Variants in BPNT2 observed in about 807,000 individuals in gnomAD.
BPNT2 encodes Golgi-resident adenosine 3',5'-bisphosphate 3'-phosphatase.
A neutral mutation model predicts 29.3 loss-of-function variants in BPNT2; 11 were observed. That is an observed-to-expected ratio of 0.38 (90% CI 0.24 to 0.62). BPNT2 has a LOEUF of 0.62. Among genes scored for constraint, BPNT2 ranks in the 20% least tolerant of loss-of-function variants. BPNT2 has a pLI of 0.62. For synonymous variants in BPNT2, 195 were observed against 187.7 expected, an observed-to-expected ratio of 1.04 and a Z score of -0.32; for missense variants, 459 against 473.4, an observed-to-expected ratio of 0.97 and a Z score of 0.28.
intron 1 of BPNT2, among the ~76,000 whole-genome samples, chr8:56,985,556 G>A (rs1486759078): frequency 4.6e-5 from 7 of 152,160 alleles, no homozygotes; most frequent in Non-Finnish European, 2.9e-5. Context: ...TTTTAGAAGG[G>A]TAAGCATAAA....
At position 56,968,399 on chromosome 8, in the gene BPNT2, A is replaced by C. The variant is rs75206109; in HGVS notation, c.647-2047T>G. ...GAGAAAGTGATAGATTAAAAAAAAA[A>C]AAAACAAAAAAGAGTCAACATACAT... On this transcript the variant is annotated intron_variant, in intron 3 of 4. Coordinates refer to ENST00000262644, the MANE Select transcript of BPNT2 (RefSeq NM_017813.5). Among the ~76,000 whole-genome samples the C allele has an allele frequency of 4.6e-5, 7 of 152,092 alleles. No homozygotes were observed. In the East Asian group the frequency reaches 1.2e-3, roughly 25 times the overall value.
rs755239746 is a variant in BPNT2, at chr8:56,980,092, G to C, written c.493C>G (p.Pro165Ala). The change falls in exon 2 of 5, where the codon CCA becomes GCA. Residue 165 changes from proline (P) to alanine (A), a missense_variant. Transcript: ENST00000262644. ...LKEVTTPKEV[P>A]AESVTVWIDP... ...ATCCAGACAGTAACACTTTCTGCTG[G>C]TACCTCTTTAGGAGTAGTTACTTCC... 3.5e-5 allele frequency: 56 copies of C among 1,613,522 alleles called. No homozygotes were observed. Among genetic ancestry groups the C allele is most frequent in the Non-Finnish European group, 4.7e-5 (55 of 1,179,710 alleles).
chr8:56,969,818 T>A (rs1189017075), intron 3 of BPNT2, among the ~76,000 whole-genome samples: 3 of 152,182 alleles, frequency 2.0e-5, no homozygotes, highest in Non-Finnish European at 2.9e-5. Context: ...TAAAATTCAT[T>A]AAGATCATAA....
intron 1 of BPNT2, among the ~76,000 whole-genome samples, chr8:56,983,579 T>C (rs1269110261): frequency 6.6e-6 from 1 of 151,976 alleles, no homozygotes; most frequent in Non-Finnish European, 1.5e-5. Context: ...GTGCAGAGGG[T>C]CCTAGTCATT....
chr8:56,964,331 C>T (rs1485668354), intron 4 of BPNT2: 1 of 298,484 alleles, frequency 3.4e-6, no homozygotes, highest in Admixed American at 4.9e-5. Context: ...CAGAGTCTCG[C>T]TCTGTCACTC....
chr8:56,993,288 C>T lies in BPNT2; in HGVS notation c.298G>A (p.Glu100Lys). 6.2e-7 allele frequency: 1 copy of T among 1,611,922 alleles called. No homozygotes were observed. Among genetic ancestry groups the T allele is most frequent in the Admixed American group, 1.7e-5 (1 of 60,010 alleles). The change falls in exon 1 of 5, where the codon GAG becomes AAG. Residue 100 changes from glutamate to lysine, a missense_variant. Transcript: ENST00000262644. ...CTGGTCATCTTGTCCTCGGCTCCCT[C>T]GCGCGTCTTCCCCTTGGACTTCTCG... ...LHEKSKGKTR[E>K]GAEDKMTSGD...
At position 56,958,809 on chromosome 8, in the gene BPNT2, T is replaced by A. The variant is rs1175532816; in HGVS notation, c.*4984A>T. Reference sequence around the variant, plus strand: ...CTTCTGTGGGACTGAAACAGCTAGCTTTGGCTACTGCCGGTAGTGGACAAT... The same window carrying A: ...CTTCTGTGGGACTGAAACAGCTAGCATTGGCTACTGCCGGTAGTGGACAAT... On this transcript the variant is annotated 3_prime_UTR_variant, in exon 5 of 5. Coordinates refer to ENST00000262644, the MANE Select transcript of BPNT2 (RefSeq NM_017813.5). 1 of 152,202 alleles carries A rather than the reference T, an allele frequency of 6.6e-6. No individual in the cohort carries two copies. Among genetic ancestry groups the A allele is most frequent in the African/African-American group, 2.4e-5 (1 of 41,454 alleles). 9.4% of individuals were successfully genotyped at this position (152,202 alleles called of 1,614,324 possible).
chr8:56,974,477 G>C (rs1401236497), intron 3 of BPNT2, among the ~76,000 whole-genome samples: 1 of 152,144 alleles, frequency 6.6e-6, no homozygotes, highest in African/African-American at 2.4e-5. Context: ...CCACTATAGT[G>C]AAGTGTAGCT....
At chr8:56,966,088 TC>T in intron 4 of BPNT2, 102 bp downstream of exon 4, 2 of 1,261,268 alleles carry the variant, frequency 1.6e-6, no homozygotes, top group Non-Finnish European at 2.3e-6. Flanking sequence ...ACACCACTCC[TC>T]CTCACTTTCC....
intron 1 of BPNT2, among the ~76,000 whole-genome samples, chr8:56,985,832 T>C (rs1246049190): frequency 3.9e-5 from 6 of 152,132 alleles, no homozygotes; most frequent in African/African-American, 1.2e-4. Context: ...TAGAGGCAAA[T>C]GAGAGTGATT....
In BPNT2 at chr8:56,958,918, G is replaced by A. The variant is rs1201300204; in HGVS notation, c.*4875C>T. ...GGTGGCTGAAGTAGATAATTTCAGT[G>A]ACGGAGGGGATGAAATATTTTTTGG... On this transcript the variant is annotated 3_prime_UTR_variant, in exon 5 of 5. Transcript: ENST00000262644. 1.3e-5 allele frequency: 2 copies of A among 152,208 alleles called. No individual in the cohort carries two copies. The highest frequency in any genetic ancestry group is 4.8e-5 in the African/African-American group (2 of 41,458). 9.4% of individuals were successfully genotyped at this position (152,208 alleles called of 1,614,324 possible).
At chr8:56,990,802 T>C (rs1334742999) in intron 1 of BPNT2, among the ~76,000 whole-genome samples, 2 of 152,154 alleles carry the variant, frequency 1.3e-5, no homozygotes, top group Non-Finnish European at 2.9e-5. Flanking sequence ...GGATAACCCC[T>C]GGTATATCCT....
chr8:56,972,725 G>T (rs902059818), intron 3 of BPNT2, among the ~76,000 whole-genome samples: 1 of 152,012 alleles, frequency 6.6e-6, no homozygotes, highest in Non-Finnish European at 1.5e-5. Context: ...AAAATGCCAA[G>T]ATAACAGGAG....
At chr8:56,970,736 G>A (rs1273842597) in intron 3 of BPNT2, among the ~76,000 whole-genome samples, 1 of 152,070 alleles carries the variant, frequency 6.6e-6, no homozygotes, top group Middle Eastern at 3.2e-3. Flanking sequence ...AGGGTAAAAT[G>A]TTTATTATGA....
At chr8:56,984,904 C>T (rs1288190803) in intron 1 of BPNT2, among the ~76,000 whole-genome samples, 1 of 151,906 alleles carries the variant, frequency 6.6e-6, no homozygotes, top group Non-Finnish European at 1.5e-5. Context: ...ATTTACTGTA[C>T]CCCAGACTTA....
At chr8:56,978,278 A>C in intron 2 of BPNT2, 133 bp from the exon 3 acceptor site, 3 of 702,574 alleles carry the variant, frequency 4.3e-6, no homozygotes, top group Non-Finnish European at 7.7e-6. Context: ...CAATCCCTTC[A>C]AGCAAACAGA....
intron 3 of BPNT2, among the ~76,000 whole-genome samples, chr8:56,972,416 CG>C (rs1806054319): frequency 6.6e-6 from 1 of 151,124 alleles, no homozygotes; most frequent in South Asian, 2.1e-4. Flanking sequence ...ATGAATACAG[CG>C]TAAGAATAAT....
At position 56,964,002 on chromosome 8, in the gene BPNT2, T is replaced by C; in HGVS notation, c.871A>G (p.Ile291Val). 6.2e-7 allele frequency: 1 copy of C among 1,611,682 alleles called. No homozygotes were observed. Among genetic ancestry groups the C allele is most frequent in the Non-Finnish European group, 8.5e-7 (1 of 1,178,482 alleles). The change falls in exon 5 of 5, where the codon ATC becomes GTC. Residue 291 changes from isoleucine to valine, a missense_variant. Coordinates refer to ENST00000262644, the MANE Select transcript of BPNT2 (RefSeq NM_017813.5). ...CACTTTTTGATGTATGTCACATGGA[T>C]GTATAAATCAGCTTTTTCTTGACTC... ...DKSQEKADLY[I>V]HVTYIKKWDI...
At chr8:56,984,124 G>A (rs1427447977) in intron 1 of BPNT2, among the ~76,000 whole-genome samples, 3 of 152,154 alleles carry the variant, frequency 2.0e-5, no homozygotes, top group Non-Finnish European at 1.5e-5. Context: ...GCCAAGTCTG[G>A]CAACTACTGA....
Sources: allele counts gnomAD v4.1 joint callset (sites outside exome capture counted in the v4.1 genomes callset), GRCh38; gene constraint gnomAD v4.1.1; transcripts MANE v1.5; gene names NCBI Gene and HGNC (gene_info 2026-07-23, HGNC 2026-07-21).